Variants in CUEDC1 observed in about 807,000 individuals in gnomAD.
CUEDC1 encodes the protein CUE domain containing 1, also known as CUE domain-containing protein 1.
In CUEDC1, 30 loss-of-function variants were observed where a neutral mutation model predicts 43.7. That is an observed-to-expected ratio of 0.69 (90% CI 0.51 to 0.93). The LOEUF is 0.93. Among genes scored for constraint, CUEDC1 ranks in the 40% least tolerant of loss-of-function variants. The probability of loss-of-function intolerance (pLI) is 0.00; values close to 1 mark genes in which losing one functional copy is unlikely to be tolerated. For missense variants in CUEDC1, 486 were observed against 549.0 expected, an observed-to-expected ratio of 0.89 and a Z score of 1.15; for synonymous variants, 223 against 223.6, an observed-to-expected ratio of 1.00 and a Z score of 0.02.
At chr17:57,868,309 G>A in intron 7 of CUEDC1, 66 bp from the exon 8 acceptor site, 1 of 1,438,642 alleles carries the variant, frequency 7.0e-7, no homozygotes, top group Non-Finnish European at 9.8e-7. Flanking sequence ...CTCCTCCCAG[G>A]TGTGGGAAAG....
At chr17:57,936,060 C>G (rs1353743061) in intron 1 of CUEDC1, among the ~76,000 whole-genome samples, 1 of 152,196 alleles carries the variant, frequency 6.6e-6, no homozygotes, top group East Asian at 1.9e-4. Flanking sequence ...TGTCCTGGAG[C>G]CAAGCAGCAT....
At chr17:57,925,009 C>T (rs1224962970) in intron 1 of CUEDC1, among the ~76,000 whole-genome samples, 1 of 151,884 alleles carries the variant, frequency 6.6e-6, no homozygotes, top group Non-Finnish European at 1.5e-5. Flanking sequence ...GTGTTTAAAA[C>T]CACACCGTTC....
At chr17:57,906,783 C>T (rs1168024810) in intron 1 of CUEDC1, among the ~76,000 whole-genome samples, 2 of 151,874 alleles carry the variant, frequency 1.3e-5, no homozygotes, top group African/African-American at 4.8e-5. Context: ...ACCAGCCTGG[C>T]CAACATAGTG....
intron 1 of CUEDC1, among the ~76,000 whole-genome samples, chr17:57,940,034 T>G (rs2074902964): frequency 1.3e-5 from 2 of 152,112 alleles, no homozygotes; most frequent in African/African-American, 4.8e-5. Context: ...TTCTGTTACT[T>G]GCCTTCAGTA....
At chr17:57,951,342 G>A (rs1321033695) in intron 1 of CUEDC1, among the ~76,000 whole-genome samples, 1 of 152,170 alleles carries the variant, frequency 6.6e-6, no homozygotes, top group Non-Finnish European at 1.5e-5. Flanking sequence ...GGAGAGCTGG[G>A]ATTCTACCTG....
intron 3 of CUEDC1, among the ~76,000 whole-genome samples, chr17:57,879,281 AC>A (rs1415021742): frequency 6.6e-6 from 1 of 152,132 alleles, no homozygotes; most frequent in East Asian, 1.9e-4. Context: ...GTGCCAATAC[AC>A]ATTCCCTGTT....
intron 1 of CUEDC1, among the ~76,000 whole-genome samples, chr17:57,896,067 A>T (rs1024127567): frequency 6.6e-6 from 1 of 152,194 alleles, no homozygotes; most frequent in African/African-American, 2.4e-5. Flanking sequence ...ATCCGGGTCA[A>T]GGAACCCATG....
At position 57,904,747 on chromosome 17, in the gene CUEDC1, G is replaced by T. The variant is rs911317739; in HGVS notation, c.-315-18868C>A. On this transcript the variant is annotated intron_variant, in intron 1 of 10. Coordinates refer to ENST00000577830, the MANE Select transcript of CUEDC1 (RefSeq NM_001271875.2). ...GTAAATGGCCCTAGGGGCTAGGCGT[G>T]GGGGGATCGCCCTACCGTAGGGGAG... Among the ~76,000 whole-genome samples, 13 of 152,256 alleles carry T rather than the reference G, an allele frequency of 8.5e-5. No homozygotes were observed. The East Asian group carries it at 1.9e-3, about 23-fold the overall frequency.
intron 8 of CUEDC1, chr17:57,867,739 C>T (rs1468810694): frequency 1.0e-5 from 5 of 486,426 alleles, no homozygotes; most frequent in African/African-American, 3.8e-5. Context: ...GGTGGAAAGC[C>T]GTATTTCTAC....
chr17:57,927,396 GA>G (rs577485162), intron 1 of CUEDC1, among the ~76,000 whole-genome samples: 2,273 of 118,500 alleles, frequency 0.019, 67 homozygotes, highest in African/African-American at 0.061. Flanking sequence ...TAGGGAGAAA[GA>G]AAAAAAAAAA....
chr17:57,923,198 C>T (rs1278917740), intron 1 of CUEDC1, among the ~76,000 whole-genome samples: 1 of 152,148 alleles, frequency 6.6e-6, no homozygotes, highest in African/African-American at 2.4e-5. Flanking sequence ...CCATGGCACC[C>T]AAAACTCAAG....
intron 1 of CUEDC1, among the ~76,000 whole-genome samples, chr17:57,906,762 G>T (rs1310819136): frequency 6.6e-6 from 1 of 151,954 alleles, no homozygotes; most frequent in African/African-American, 2.4e-5. Context: ...CCTGAGATAG[G>T]GAGTTCCGAG....
At chr17:57,879,827 G>A in intron 2 of CUEDC1, 89 bp from the exon 3 acceptor site, 1 of 1,301,552 alleles carries the variant, frequency 7.7e-7, no homozygotes, top group Non-Finnish European at 1.1e-6. Flanking sequence ...GGGAGGGCAG[G>A]TATAATAAAG....
intron 1 of CUEDC1, among the ~76,000 whole-genome samples, chr17:57,934,395 A>T (rs1598019581): frequency 6.6e-6 from 1 of 152,048 alleles, no homozygotes; most frequent in East Asian, 1.9e-4. Flanking sequence ...CCGTCTCAAA[A>T]ATAAAAATAA....
chr17:57,889,201 T>C (rs951154317), intron 1 of CUEDC1, among the ~76,000 whole-genome samples: 4 of 152,176 alleles, frequency 2.6e-5, no homozygotes, highest in Non-Finnish European at 5.9e-5. Context: ...AAGATAATCC[T>C]CAGCACACTG....
chr17:57,866,844 T>C (rs1334609170), intron 9 of CUEDC1: 1 of 416,746 alleles, frequency 2.4e-6, no homozygotes, highest in East Asian at 4.7e-5. Flanking sequence ...AGATGACCTC[T>C]GAGGCCCTTC....
chr17:57,950,212 G>A lies in CUEDC1; in HGVS notation c.-316+5013C>T, dbSNP rs144059090. ...GTCACCCAGGCTGGAGTGTAGTGGC[G>A]CGATCTCGGCTCACTGCAACTTCTG... On this transcript the variant is annotated intron_variant, in intron 1 of 10. Coordinates refer to ENST00000577830, the MANE Select transcript of CUEDC1 (RefSeq NM_001271875.2). 6.6e-3 allele frequency among the ~76,000 whole-genome samples: 1,010 copies of A among 152,154 alleles called. 7 individuals carry two copies. The highest frequency in any genetic ancestry group is 0.023 in the African/African-American group (952 of 41,500).
In CUEDC1 at chr17:57,872,742, C is replaced by T; in HGVS notation, c.705G>A (p.Arg235=). The change falls in exon 5 of 11, where the codon AGG becomes AGA. Residue 235 remains arginine, a synonymous_variant. Transcript: ENST00000577830. ...SRWKQYLEDE[R]IALFLQNEEF... is the part of the protein sequence containing the mutation. Reference sequence around the variant, plus strand: ...CCTCGTTCTGCAGGAAAAGCGCGATCCTCTCGTCCTCCAGGTACTGCTTCC... The same window carrying T: ...CCTCGTTCTGCAGGAAAAGCGCGATTCTCTCGTCCTCCAGGTACTGCTTCC... 1.2e-6 allele frequency: 2 copies of T among 1,614,208 alleles called. No individual in the cohort carries two copies. The highest frequency in any genetic ancestry group is 8.5e-7 in the Non-Finnish European group (1 of 1,180,042).
At chr17:57,866,628 A>C (rs1597965808) in intron 9 of CUEDC1, 84 bp from the exon 10 acceptor site, 5 of 1,350,248 alleles carry the variant, frequency 3.7e-6, no homozygotes, top group Admixed American at 1.7e-5. Flanking sequence ...AAGAGAGCTG[A>C]CCCGACTCTC....
Sources: gnomAD v4.1 joint callset for allele counts (sites outside exome capture counted in the v4.1 genomes callset) on GRCh38, gnomAD v4.1.1 for gene constraint, MANE v1.5 for transcripts, NCBI Gene and HGNC (gene_info 2026-07-23, HGNC 2026-07-21) for gene names.